ARHGAP15: variants seen among roughly 807,000 people sequenced by gnomAD.
ARHGAP15 encodes the protein rho GTPase-activating protein 15.
In ARHGAP15, 51 loss-of-function variants were observed where a neutral mutation model predicts 63.7. That is an observed-to-expected ratio of 0.80 (90% CI 0.64 to 1.01). The LOEUF (loss-of-function observed/expected upper bound fraction) is 1.01, where lower values mean the gene tolerates loss of function less well. Ranked by LOEUF, ARHGAP15 falls within the 50% of genes least tolerant of loss-of-function variation. ARHGAP15 has a pLI of 0.00. For synonymous variants in ARHGAP15, 191 were observed against 193.8 expected (o/e 0.99, Z 0.12); for missense variants, 560 against 564.6 (o/e 0.99, Z 0.08).
chr2:143,145,731 C>T (rs570736967), intron 1 of ARHGAP15, among the ~76,000 whole-genome samples: 2 of 152,016 alleles, frequency 1.3e-5, no homozygotes, highest in South Asian at 4.1e-4. Flanking sequence ...CTTTCGTCAC[C>T]ACGTGTGGCT....
At chr2:143,355,446 T>G (rs1685768244) in intron 6 of ARHGAP15, among the ~76,000 whole-genome samples, 1 of 152,176 alleles carries the variant, frequency 6.6e-6, no homozygotes, top group Non-Finnish European at 1.5e-5. Context: ...TTCACCATCT[T>G]ATTCCAAGTA....
chr2:143,519,288 G>C lies in ARHGAP15; in HGVS notation c.849G>C (p.Leu283=), dbSNP rs138143506. The C allele has an allele frequency of 2.5e-6, 4 of 1,612,870 alleles. No homozygotes were observed. Among genetic ancestry groups the C allele is most frequent in the Non-Finnish European group, 3.4e-6 (4 of 1,179,080 alleles). The change falls in exon 10 of 14, where the codon CTG becomes CTC. Residue 283 remains leucine, a synonymous_variant. Coordinates refer to ENST00000295095, the MANE Select transcript of ARHGAP15 (RefSeq NM_018460.4). ...LIKDQIFGSH[L]HKVCERENST... The stretch of plus-strand genomic sequence containing the variant: ...CAGATCAAATTTTTGGCTCTCATCT[G>C]CACAAAGTGTGTGAACGTGAAAATT...
At chr2:143,154,514 G>A (rs1157135000) in intron 1 of ARHGAP15, among the ~76,000 whole-genome samples, 1 of 151,842 alleles carries the variant, frequency 6.6e-6, no homozygotes, top group Non-Finnish European at 1.5e-5. Flanking sequence ...ACAGTGCTCG[G>A]AGCCCGCTAT....
chr2:143,136,012 T>C (rs1396327773), intron 1 of ARHGAP15, among the ~76,000 whole-genome samples: 1 of 152,100 alleles, frequency 6.6e-6, no homozygotes, highest in Non-Finnish European at 1.5e-5. Flanking sequence ...TCAAAGTGAG[T>C]ATACAGTACT....
At chr2:143,613,489 G>T (rs188059277) in intron 11 of ARHGAP15, among the ~76,000 whole-genome samples, 53 of 152,204 alleles carry the variant, frequency 3.5e-4, no homozygotes, top group African/African-American at 1.2e-3. Flanking sequence ...TGTAGCATCC[G>T]TAAAGTAGTT....
At position 143,233,425 on chromosome 2, in the gene ARHGAP15, A is replaced by G. The variant is rs150375021; in HGVS notation, c.384+4757A>G. Among the ~76,000 whole-genome samples, 3 of 152,124 alleles carry G rather than the reference A, an allele frequency of 2.0e-5. No individual in the cohort carries two copies. In the East Asian group the frequency reaches 5.8e-4, roughly 29 times the overall value. On this transcript the variant is annotated intron_variant, in intron 5 of 13. Transcript: ENST00000295095. ...GTCAGCATGTCAAAAATATCATTAC[A>G]CTGTCTTCTGTTATCCATTCTTAAA...
chr2:143,279,244 C>A (rs1681723347), intron 6 of ARHGAP15, among the ~76,000 whole-genome samples: 1 of 152,032 alleles, frequency 6.6e-6, no homozygotes, highest in Non-Finnish European at 1.5e-5. Context: ...AGCTCAAGTG[C>A]CAATTTTGTG....
intron 8 of ARHGAP15, among the ~76,000 whole-genome samples, chr2:143,444,840 T>C (rs1690058721): frequency 6.6e-6 from 1 of 152,204 alleles, no homozygotes; most frequent in East Asian, 1.9e-4. Flanking sequence ...CATCAAACTT[T>C]AATAAAGTGA....
intron 3 of ARHGAP15, among the ~76,000 whole-genome samples, chr2:143,211,960 C>T (rs962683900): frequency 6.6e-6 from 1 of 152,150 alleles, no homozygotes; most frequent in African/African-American, 2.4e-5. Context: ...GCATAAGGAC[C>T]ATGTGGTTCT....
rs548059897 is a variant in ARHGAP15 at position 143,661,623 on chromosome 2, C to T, written c.1138+37356C>T. Among the ~76,000 whole-genome samples, 16 of 152,258 alleles carry T rather than the reference C, an allele frequency of 1.1e-4. 1 individual carries two copies. The highest frequency in any genetic ancestry group is 9.7e-4 in the East Asian group (5 of 5,160). Reference sequence around the variant, plus strand: ...AGTCTACAGCTCCCAGTGTGAGCGACGCAGAAGACGGGTGATTTCTGCATT... The same window carrying T: ...AGTCTACAGCTCCCAGTGTGAGCGATGCAGAAGACGGGTGATTTCTGCATT... On this transcript the variant is annotated intron_variant, in intron 12 of 13. Coordinates refer to ENST00000295095, the MANE Select transcript of ARHGAP15 (RefSeq NM_018460.4).
intron 10 of ARHGAP15, among the ~76,000 whole-genome samples, chr2:143,531,270 A>G (rs1694514556): frequency 6.6e-6 from 1 of 152,202 alleles, no homozygotes; most frequent in African/African-American, 2.4e-5. Context: ...ATTAGTATTT[A>G]TAGTTTTAAA....
chr2:143,376,315 T>C (rs1280914147), intron 6 of ARHGAP15, among the ~76,000 whole-genome samples: 1 of 152,180 alleles, frequency 6.6e-6, no homozygotes, highest in African/African-American at 2.4e-5. Flanking sequence ...TTGTATGATA[T>C]TAACTTTGGT....
chr2:143,758,436 CTTTT>C (rs1031932865), intron 13 of ARHGAP15, among the ~76,000 whole-genome samples: 1 of 150,716 alleles, frequency 6.6e-6, no homozygotes, highest in Non-Finnish European at 1.5e-5. Context: ...CTGATTAGTA[CTTTT>C]TTTTTCCCAA....
chr2:143,635,731 C>G (rs1680276836), intron 12 of ARHGAP15, among the ~76,000 whole-genome samples: 1 of 152,048 alleles, frequency 6.6e-6, no homozygotes, highest in Non-Finnish European at 1.5e-5. Context: ...TCTACCTACA[C>G]TTTCTGAACA....
At chr2:143,765,109 A>ATGTGTG (rs60894627) in intron 13 of ARHGAP15, among the ~76,000 whole-genome samples, 4,106 of 147,576 alleles carry the variant, frequency 0.028, 130 homozygotes, top group African/African-American at 0.083. Context: ...CCTCTAAAAT[A>ATGTGTG]TGTGTGTGTG....
In ARHGAP15 at chr2:143,334,720, C is replaced by CA. The variant is rs756915046; in HGVS notation, c.474+84123dup. ...CAAATATTTCATACTAAAGAATAAGCAAAGAAGCATCTAAAATATTTGTTC... is the reference window on the plus strand; with the variant it reads ...CAAATATTTCATACTAAAGAATAAGCAAAAGAAGCATCTAAAATATTTGTTC... On this transcript the variant is annotated intron_variant, in intron 6 of 13. Coordinates refer to ENST00000295095, the MANE Select transcript of ARHGAP15 (RefSeq NM_018460.4). Among the ~76,000 whole-genome samples, 5 of 152,036 alleles carry CA rather than the reference C, an allele frequency of 3.3e-5. No individual in the cohort carries two copies. In the East Asian group the frequency reaches 9.6e-4, roughly 29 times the overall value.
chr2:143,478,247 G>A (rs1388592981), intron 8 of ARHGAP15, among the ~76,000 whole-genome samples: 1 of 152,170 alleles, frequency 6.6e-6, no homozygotes, highest in Non-Finnish European at 1.5e-5. Context: ...TGGCAATCCA[G>A]AGAGTATTCA....
At chr2:143,674,490 A>G (rs1682726526) in intron 12 of ARHGAP15, among the ~76,000 whole-genome samples, 1 of 152,196 alleles carries the variant, frequency 6.6e-6, no homozygotes, top group Admixed American at 6.5e-5. Flanking sequence ...GACTGGAAAG[A>G]TGTATGCAGG....
intron 6 of ARHGAP15, among the ~76,000 whole-genome samples, chr2:143,329,684 T>C (rs752643007): frequency 1.3e-5 from 2 of 152,186 alleles, no homozygotes; most frequent in Non-Finnish European, 2.9e-5. Context: ...AGACAACTAG[T>C]ACGTAAAGTT....
Sources: gnomAD v4.1 joint callset for allele counts (sites outside exome capture counted in the v4.1 genomes callset) on GRCh38, gnomAD v4.1.1 for gene constraint, MANE v1.5 for transcripts, NCBI Gene and HGNC (gene_info 2026-07-23, HGNC 2026-07-21) for gene names.